Variants in PIKFYVE observed in about 807,000 individuals in gnomAD.
PIKFYVE encodes 1-phosphatidylinositol 3-phosphate 5-kinase.
In PIKFYVE, 122 loss-of-function variants were observed where a neutral mutation model predicts 257.9. The ratio of observed to expected loss-of-function variants is 0.47; its 90% CI spans 0.41 to 0.55. PIKFYVE has a LOEUF of 0.55. PIKFYVE is among the 20% of genes least tolerant of loss of function. The probability of loss-of-function intolerance (pLI) is 0.00; values close to 1 mark genes in which losing one functional copy is unlikely to be tolerated. For synonymous variants in PIKFYVE, 892 were observed against 868.9 expected (o/e 1.03, Z -0.47); for missense variants, 2,160 against 2,536.6 (o/e 0.85, Z 3.19).
intron 28 of PIKFYVE, among the ~76,000 whole-genome samples, chr2:208,337,537 A>C (rs1037866312): frequency 6.6e-6 from 1 of 151,990 alleles, no homozygotes; most frequent in African/African-American, 2.4e-5. Flanking sequence ...CTATCTATAG[A>C]TCTATCTAGA....
rs756265348 is a variant in PIKFYVE, at chr2:208,329,908, T to C, written c.3786T>C (p.Cys1262=). 6.2e-7 allele frequency: 1 copy of C among 1,610,594 alleles called. No homozygotes were observed. Among genetic ancestry groups the C allele is most frequent in the South Asian group, 1.1e-5 (1 of 91,012 alleles). ...TAGGAATATTTTTAGAGAGATACTG[T>C]TTCAGGTAAGAACATATTTCTTCCT... ...LTLGIFLERY[C]FRPSYQCPSM... is the part of the protein sequence containing the mutation. The change falls in exon 22 of 42, where the codon TGT becomes TGC. Residue 1262 remains cysteine, a synonymous_variant. Coordinates refer to ENST00000264380, the MANE Select transcript of PIKFYVE (RefSeq NM_015040.4).
chr2:208,285,189 G>T (rs936256496), intron 5 of PIKFYVE, among the ~76,000 whole-genome samples: 6 of 152,094 alleles, frequency 3.9e-5, no homozygotes, highest in Non-Finnish European at 7.4e-5. Context: ...TCCGCCTCCC[G>T]GGTTCAAGCA....
intron 7 of PIKFYVE, among the ~76,000 whole-genome samples, chr2:208,293,847 T>C (rs1047309905): frequency 6.6e-6 from 1 of 152,088 alleles, no homozygotes; most frequent in Non-Finnish European, 1.5e-5. Flanking sequence ...ATCTTTTTCT[T>C]TATTTTTGAC....
intron 20 of PIKFYVE, among the ~76,000 whole-genome samples, chr2:208,327,697 G>C (rs1294593892): frequency 6.6e-6 from 1 of 152,106 alleles, no homozygotes; most frequent in Non-Finnish European, 1.5e-5. Context: ...GAGCAGTTTT[G>C]TGTATTTTAT....
At position 208,273,451 on chromosome 2, in the gene PIKFYVE, G is replaced by A. The variant is rs1407565959; in HGVS notation, c.173-133G>A. 26 of 988,472 alleles carry A rather than the reference G, an allele frequency of 2.6e-5. No individual in the cohort carries two copies. The African/African-American group carries it at 4.1e-4, about 16-fold the overall frequency. The allele number at this position is 988,472 out of a possible 1,614,324, so 61.2% of individuals were successfully genotyped here. On this transcript the variant is annotated intron_variant, in intron 2 of 41. Transcript: ENST00000264380. Reference sequence around the variant, plus strand: ...TGCTTGTATTTAAAATTAAATAAATGAAAAAGGAAAAAAAAAATTTTTAGT... The same window carrying A: ...TGCTTGTATTTAAAATTAAATAAATAAAAAAGGAAAAAAAAAATTTTTAGT...
chr2:208,346,617 A>G (rs977002822), intron 34 of PIKFYVE, among the ~76,000 whole-genome samples: 6 of 152,228 alleles, frequency 3.9e-5, no homozygotes, highest in South Asian at 2.1e-4. Context: ...AACTTGTTCA[A>G]GATTTGACAG....
chr2:208,324,278 A>G lies in PIKFYVE; in HGVS notation c.2327A>G (p.Lys776Arg). ...GGCATTACTTTGGTCATTAATGTAAAGTCAGTGAGTGTTTTTAATTTTCTA... is the reference window on the plus strand; with the variant it reads ...GGCATTACTTTGGTCATTAATGTAAGGTCAGTGAGTGTTTTTAATTTTCTA... ...EHGITLVINV[K>R]SQVLERISRM... The change falls in exon 18 of 42, where the codon AAG (lysine) becomes AGG (arginine). Residue 776 changes from lysine (K) to arginine (R), a missense_variant. This residue lies in a region of PIKFYVE where 346 missense variants were observed against 365.6 expected (regional missense o/e 0.95). Coordinates refer to ENST00000264380, the MANE Select transcript of PIKFYVE (RefSeq NM_015040.4). The G allele has an allele frequency of 6.2e-7, 1 of 1,613,754 alleles. No homozygotes were observed. Among genetic ancestry groups the G allele is most frequent in the Non-Finnish European group, 8.5e-7 (1 of 1,179,710 alleles).
Position 208,326,400 on chromosome 2 carries a change from A to G in PIKFYVE, c.3589A>G (p.Ile1197Val). Residue 1197 changes from isoleucine (I) to valine (V), a missense_variant, in exon 20 of 42, where the codon ATT (isoleucine) becomes GTT (valine). By Grantham distance (29) the Ile-to-Val change is conservative. This residue lies in a region of PIKFYVE where 522 missense variants were observed against 514.6 expected (regional missense o/e 1.01). Transcript: ENST00000264380. The stretch of plus-strand genomic sequence containing the variant: ...TGAGGGTGATGAAGAGAGAGGGCTT[A>G]TTCTGAGTGATGCTGTGTGGTCAAC... ...KNEGDEERGL[I>V]LSDAVWSTKV... The G allele has an allele frequency of 3.7e-6, 6 of 1,614,106 alleles. No homozygotes were observed. Among genetic ancestry groups the G allele is most frequent in the Non-Finnish European group, 5.1e-6 (6 of 1,179,970 alleles).
At chr2:208,346,873 T>C (rs139404403) in intron 34 of PIKFYVE, among the ~76,000 whole-genome samples, 2 of 152,332 alleles carry the variant, frequency 1.3e-5, no homozygotes, top group African/African-American at 4.8e-5. Context: ...TTCATTTTTG[T>C]TTGCATTTGA....
intron 12 of PIKFYVE, 98 bp downstream of exon 12, chr2:208,305,111 T>G (rs953055102): frequency 1.3e-6 from 2 of 1,572,990 alleles, no homozygotes; most frequent in African/African-American, 2.7e-5. Flanking sequence ...CTGTCCCACG[T>G]GGCTGAGGGT....
chr2:208,289,108 G>C (rs1691960550), intron 7 of PIKFYVE, among the ~76,000 whole-genome samples: 2 of 152,174 alleles, frequency 1.3e-5, no homozygotes, highest in South Asian at 4.1e-4. Flanking sequence ...ACATTTTGTG[G>C]AGGAGTGTCC....
At chr2:208,320,818 C>T (rs1316886709) in intron 17 of PIKFYVE, among the ~76,000 whole-genome samples, 1 of 152,164 alleles carries the variant, frequency 6.6e-6, no homozygotes, top group Admixed American at 6.5e-5. Flanking sequence ...TAGGTTATAA[C>T]CCTCAGCTGG....
At position 208,306,528 on chromosome 2, in the gene PIKFYVE, T is replaced by C. The variant is rs1245106524; in HGVS notation, c.1636+1515T>C. Among the ~76,000 whole-genome samples, 6 of 152,242 alleles carry C rather than the reference T, an allele frequency of 3.9e-5. No homozygotes were observed. The East Asian group carries it at 1.2e-3, about 29-fold the overall frequency. On this transcript the variant is annotated intron_variant, in intron 12 of 41. Coordinates refer to ENST00000264380, the MANE Select transcript of PIKFYVE (RefSeq NM_015040.4). The stretch of plus-strand genomic sequence containing the variant: ...CATCTCTTGGAATGTTAAAGAAGTT[T>C]TGAAAATCTTGAAGAAAGTGACCTG...
In PIKFYVE at chr2:208,325,690, C is replaced by A. The variant is rs751273959; in HGVS notation, c.2879C>A (p.Thr960Lys). The A allele has an allele frequency of 6.2e-7, 1 of 1,613,838 alleles. No homozygotes were observed. The highest frequency in any genetic ancestry group is 1.1e-5 in the South Asian group (1 of 91,058). Reference protein sequence around the residue: ...VASVKHQEHSTTACPAGLPCA... With the variant: ...VASVKHQEHSKTACPAGLPCA... ...TCTGTGAAGCATCAAGAACATAGCACAACAGCTTGCCCGGCGGGTCTCCCT... is the reference window on the plus strand; with the variant it reads ...TCTGTGAAGCATCAAGAACATAGCAAAACAGCTTGCCCGGCGGGTCTCCCT... The change falls in exon 20 of 42, where the codon ACA becomes AAA. Residue 960 changes from threonine to lysine, a missense_variant. This residue lies in a region of PIKFYVE where 522 missense variants were observed against 514.6 expected (regional missense o/e 1.01). Transcript: ENST00000264380.
rs957265020 is a variant in PIKFYVE, at chr2:208,276,932, G to A, written c.441+102G>A. The A allele has an allele frequency of 3.4e-5, 31 of 907,892 alleles. No homozygotes were observed. In the Middle Eastern group the frequency reaches 2.9e-3, roughly 85 times the overall value. 56.2% of individuals were successfully genotyped at this position (907,892 alleles called of 1,614,324 possible). A position where few individuals can be genotyped will look rare whatever the true frequency, so the allele number is the denominator to read the frequency against. On this transcript the variant is annotated intron_variant, in intron 4 of 41. Transcript: ENST00000264380. ...ATGCCACTGAAAGAAAGCTTAATTA[G>A]CGCTTCCTCCAGCTGTGAGCACCCT... is the stretch of plus-strand genomic sequence containing the variant.
chr2:208,292,487 A>C (rs1692443935), intron 7 of PIKFYVE, among the ~76,000 whole-genome samples: 1 of 152,090 alleles, frequency 6.6e-6, no homozygotes. Context: ...GTTAGGAGCG[A>C]GCATACATAT....
intron 2 of PIKFYVE, among the ~76,000 whole-genome samples, chr2:208,271,961 G>A (rs1203663874): frequency 6.6e-6 from 1 of 152,184 alleles, no homozygotes; most frequent in Non-Finnish European, 1.5e-5. Context: ...TAGGCCAGGC[G>A]TGATGCCTCA....
rs536252103 is a variant in PIKFYVE at position 208,332,013 on chromosome 2, T to C, written c.3964-1302T>C. On this transcript the variant is annotated intron_variant, in intron 23 of 41. Coordinates refer to ENST00000264380, the MANE Select transcript of PIKFYVE (RefSeq NM_015040.4). ...CACTTTATTTTGAAACAAAAACTTC[T>C]GCTTTTTTATGCTAGAAAGGAAAAG... Among the ~76,000 whole-genome samples, 11 of 152,210 alleles carry C rather than the reference T, an allele frequency of 7.2e-5. No individual in the cohort carries two copies. The East Asian group carries it at 1.3e-3, about 19-fold the overall frequency.
At position 208,336,135 on chromosome 2, in the gene PIKFYVE, G is replaced by C; in HGVS notation, c.4455G>C (p.Ser1485=). The part of the protein sequence containing the change: ...SSVDTPQQLQ[S]VFESLIAKKQ... ...TAGATACCCCTCAGCAACTGCAGTC[G>C]GTCTTTGAGTCACTCATTGCCAAGA... Residue 1485 remains serine, a synonymous_variant, in exon 27 of 42, where the codon TCG becomes TCC. Transcript: ENST00000264380. 1 of 1,613,998 alleles carries C rather than the reference G, an allele frequency of 6.2e-7. No individual in the cohort carries two copies. The highest frequency in any genetic ancestry group is 8.5e-7 in the Non-Finnish European group (1 of 1,179,948).
Sources: allele counts gnomAD v4.1 joint callset (sites outside exome capture counted in the v4.1 genomes callset), GRCh38; gene constraint gnomAD v4.1.1; regional missense constraint gnomAD v4.1.1; transcripts MANE v1.5; gene names NCBI Gene and HGNC (gene_info 2026-07-23, HGNC 2026-07-21).